The following EYA2 variants were observed in gnomAD, a reference collection of about 807,000 sequenced individuals.
EYA2 encodes protein phosphatase EYA2.
A neutral mutation model predicts 69.2 loss-of-function variants in EYA2; 31 were observed. The observed-to-expected ratio is 0.45, with a 90% CI of 0.34 to 0.60. The LOEUF is 0.60. Ranked by LOEUF, EYA2 falls within the 20% of genes least tolerant of loss-of-function variation. The pLI is 0.02. For synonymous variants in EYA2, 257 were observed against 279.4 expected (o/e 0.92, Z 0.80); for missense variants, 622 against 701.2 (o/e 0.89, Z 1.28).
At chr20:47,129,713 G>C (rs944823187) in intron 9 of EYA2, among the ~76,000 whole-genome samples, 3 of 152,312 alleles carry the variant, frequency 2.0e-5, no homozygotes, top group South Asian at 4.1e-4. Context: ...AGCACACAGA[G>C]GGGCTCCTTG....
intron 1 of EYA2, among the ~76,000 whole-genome samples, chr20:46,984,298 G>C (rs1981033023): frequency 6.6e-6 from 1 of 151,510 alleles, no homozygotes. Flanking sequence ...ACAGACAAAT[G>C]AAAGACTAAG....
chr20:47,100,503 A>G (rs537846696), intron 9 of EYA2, among the ~76,000 whole-genome samples: 76 of 152,334 alleles, frequency 5.0e-4, no homozygotes, highest in South Asian at 1.5e-3. Context: ...ATCATAGAAG[A>G]TTAGAGCTGG....
At chr20:47,028,360 A>G (rs1031849633) in intron 5 of EYA2, among the ~76,000 whole-genome samples, 1 of 152,276 alleles carries the variant, frequency 6.6e-6, no homozygotes, top group African/African-American at 2.4e-5. Context: ...AAAAGCAGAA[A>G]TGGAAAAGCT....
intron 8 of EYA2, among the ~76,000 whole-genome samples, chr20:47,094,540 T>G (rs1312429801): frequency 6.6e-6 from 1 of 152,252 alleles, no homozygotes; most frequent in East Asian, 1.9e-4. Flanking sequence ...TCTCTTAACT[T>G]TCAAAGGCAT....
At chr20:46,922,543 A>G (rs1985225502) in intron 1 of EYA2, among the ~76,000 whole-genome samples, 2 of 152,254 alleles carry the variant, frequency 1.3e-5, no homozygotes, top group Non-Finnish European at 2.9e-5. Flanking sequence ...ATTATAAACC[A>G]TTGAAAAAAT....
chr20:46,969,197 T>G (rs142442403), intron 1 of EYA2, among the ~76,000 whole-genome samples: 1,950 of 151,952 alleles, frequency 0.013, 36 homozygotes, highest in African/African-American at 0.045. Context: ...AATTTTTTTT[T>G]GTTTTTTGTG....
intron 1 of EYA2, among the ~76,000 whole-genome samples, chr20:46,955,416 A>G (rs1012875910): frequency 2.6e-5 from 4 of 152,056 alleles, no homozygotes; most frequent in African/African-American, 9.7e-5. Flanking sequence ...AACAAAGGCC[A>G]CCTCACCAGA....
intron 5 of EYA2, among the ~76,000 whole-genome samples, chr20:47,052,595 C>T (rs1268505878): frequency 2.0e-5 from 3 of 152,130 alleles, no homozygotes; most frequent in African/African-American, 7.2e-5. Flanking sequence ...CAAAATAGGT[C>T]GTTTTAGGAG....
chr20:47,055,375 T>C (rs549936590), intron 5 of EYA2, among the ~76,000 whole-genome samples: 12 of 152,350 alleles, frequency 7.9e-5, no homozygotes, highest in East Asian at 7.7e-4. Flanking sequence ...TGTGATCCCC[T>C]GATCTGTTTC....
At chr20:47,014,186 G>A (rs1189627187) in intron 4 of EYA2, among the ~76,000 whole-genome samples, 2 of 152,112 alleles carry the variant, frequency 1.3e-5, no homozygotes, top group Non-Finnish European at 1.5e-5. Context: ...CCAACCTGGG[G>A]TTGCAGGAGA....
At chr20:46,985,805 T>TAAAA (rs1981144581) in intron 1 of EYA2, among the ~76,000 whole-genome samples, 1 of 152,226 alleles carries the variant, frequency 6.6e-6, no homozygotes, top group Non-Finnish European at 1.5e-5. Flanking sequence ...TAGATTTTTA[T>TAAAA]GTGAAATTGT....
intron 5 of EYA2, among the ~76,000 whole-genome samples, chr20:47,066,976 C>A (rs150041874): frequency 6.1e-3 from 923 of 152,296 alleles, no homozygotes; most frequent in Non-Finnish European, 9.6e-3. Context: ...GGGCCACGTG[C>A]CCCCTTCTTC....
At chr20:47,030,575 A>G (rs945952530) in intron 5 of EYA2, among the ~76,000 whole-genome samples, 1 of 152,186 alleles carries the variant, frequency 6.6e-6, no homozygotes, top group Non-Finnish European at 1.5e-5. Context: ...TTAACCTGCC[A>G]TAACAAAATA....
chr20:46,997,119 T>G (rs946059273), intron 2 of EYA2, among the ~76,000 whole-genome samples: 59 of 152,088 alleles, frequency 3.9e-4, no homozygotes, highest in African/African-American at 1.4e-3. Context: ...TACAAAAGCC[T>G]TAAAGGTGAG....
chr20:47,131,979 G>A (rs2033352906), intron 9 of EYA2, among the ~76,000 whole-genome samples: 1 of 152,126 alleles, frequency 6.6e-6, no homozygotes, highest in African/African-American at 2.4e-5. Flanking sequence ...TTTTGTTTTT[G>A]TCTTTGAAAC....
rs540698876 is a variant in EYA2 at position 47,157,766 on chromosome 20, A to G, written c.979-11373A>G. Among the ~76,000 whole-genome samples the G allele has an allele frequency of 6.6e-4, 101 of 152,184 alleles. 1 individual carries two copies. The highest frequency in any genetic ancestry group is 1.1e-3 in the Non-Finnish European group (77 of 68,038). ...AAAGATCATGAAAATTTGTTAAATC[A>G]TTAAAGAGAAAGTGCGTTTTTGGTG... On this transcript the variant is annotated intron_variant, in intron 10 of 15. Transcript: ENST00000327619.
chr20:47,074,115 A>G, intron 6 of EYA2, 43 bp from the exon 7 acceptor site: 2 of 1,519,440 alleles, frequency 1.3e-6, no homozygotes, highest in Non-Finnish European at 1.8e-6. Flanking sequence ...GAGCCCAGAA[A>G]GGCTTCCTCA....
intron 9 of EYA2, among the ~76,000 whole-genome samples, 182 bp from the exon 10 acceptor site, chr20:47,142,877 C>T (rs1359706214): frequency 1.3e-5 from 2 of 151,452 alleles, no homozygotes; most frequent in Admixed American, 6.6e-5. Context: ...AAGTGAGATC[C>T]CGGAAGCTGT....
rs1028067367 is a variant in EYA2 at position 47,186,391 on chromosome 20, C to T, written c.1537-1662C>T. 6.1e-5 allele frequency among the ~76,000 whole-genome samples: 7 copies of T among 113,934 alleles called. No homozygotes were observed. The Admixed American group carries it at 7.3e-4, about 12-fold the overall frequency. The allele number at this position is 113,934 out of a possible 152,430, so 74.7% of individuals were successfully genotyped here. On this transcript the variant is annotated intron_variant, in intron 15 of 15. Transcript: ENST00000327619. ...TTTTTTTTTTTGAGATGAAGTTTCA[C>T]TCTTGTTGCCCAGGTTGGAGTGCAG...
Sources: gnomAD v4.1 joint callset for allele counts (sites outside exome capture counted in the v4.1 genomes callset) on GRCh38, gnomAD v4.1.1 for gene constraint, MANE v1.5 for transcripts, NCBI Gene and HGNC (gene_info 2026-07-23, HGNC 2026-07-21) for gene names.